The following IGFL2 variants were observed in gnomAD, a reference collection of about 807,000 sequenced individuals.
The protein encoded by IGFL2 is IGF like family member 2.
Under a neutral mutation model 13.9 loss-of-function variants are expected in IGFL2, and 7 were observed. The ratio of observed to expected loss-of-function variants is 0.51; its 90% CI spans 0.29 to 0.95. IGFL2 has a LOEUF of 0.95. Ranked by LOEUF, IGFL2 falls within the 40% of genes least tolerant of loss-of-function variation. The probability of loss-of-function intolerance (pLI) is 0.08; values close to 1 mark genes in which losing one functional copy is unlikely to be tolerated. For synonymous variants in IGFL2, 55 were observed against 55.8 expected (o/e 0.99, Z 0.07); for missense variants, 138 against 147.8 (o/e 0.93, Z 0.34).
chr19:46,160,592 CAAT>C lies in IGFL2; in HGVS notation c.74-21_74-19del. The C allele has an allele frequency of 1.2e-6, 2 of 1,613,850 alleles. No homozygotes were observed. The highest frequency in any genetic ancestry group is 8.5e-7 in the Non-Finnish European group (1 of 1,179,746). Reference sequence around the variant, plus strand: ...CTGGTTATCCTTGAGCTCACACCAACAATGTCTGTCCATCTGTCCAGCTCCCGC... The same window carrying C: ...CTGGTTATCCTTGAGCTCACACCAACGTCTGTCCATCTGTCCAGCTCCCGC... On this transcript the variant is annotated intron_variant, in intron 2 of 3. Transcript: ENST00000377693.
At chr19:46,187,935 A>AGGTTGTGCTGCTGGTGTGTGCTACCT in the IGFL2 span, among the ~76,000 whole-genome samples, 6 of 151,554 alleles carry the variant, frequency 4.0e-5, no homozygotes, top group Non-Finnish European at 8.9e-5. Flanking sequence ...TTTATACCTG[A>AGGTTGTGCTGCTGGTGTGTGCTACCT]GATCGTGTTG....
the IGFL2 span, among the ~76,000 whole-genome samples, chr19:46,167,811 AAAG>A: frequency 6.6e-6 from 1 of 152,134 alleles, no homozygotes; most frequent in African/African-American, 2.4e-5. Flanking sequence ...TGCACACACA[AAAG>A]AAGAGGCCAT....
chr19:46,173,191 A>G, the IGFL2 span, among the ~76,000 whole-genome samples: 2 of 152,236 alleles, frequency 1.3e-5, no homozygotes, highest in African/African-American at 2.4e-5. Flanking sequence ...GGACTGTGCT[A>G]GACTTTCTGT....
chr19:46,160,930 T>G, intron 3 of IGFL2, 49 bp downstream of exon 3: 1 of 1,602,968 alleles, frequency 6.2e-7, no homozygotes, highest in Non-Finnish European at 8.5e-7. Flanking sequence ...GAGGTGGAAA[T>G]GAGGAGGGGA....
the IGFL2 span, among the ~76,000 whole-genome samples, chr19:46,199,089 C>G: frequency 6.6e-6 from 1 of 152,174 alleles, no homozygotes; most frequent in Non-Finnish European, 1.5e-5. Context: ...CAAGGCCTGC[C>G]TCCCCTTCCC....
the IGFL2 span, among the ~76,000 whole-genome samples, chr19:46,191,764 C>T: frequency 3.6e-4 from 55 of 152,168 alleles, no homozygotes; most frequent in African/African-American, 1.2e-3. Context: ...TACTTTGTCT[C>T]ACAGTGACCA....
chr19:46,088,065 A>G, the IGFL2 span, among the ~76,000 whole-genome samples: 3 of 152,046 alleles, frequency 2.0e-5, no homozygotes, highest in African/African-American at 7.2e-5. Flanking sequence ...AGAAATGTGG[A>G]CCACTGGGGG....
At chr19:46,166,812 G>T in the IGFL2 span, among the ~76,000 whole-genome samples, 1 of 152,168 alleles carries the variant, frequency 6.6e-6, no homozygotes, top group African/African-American at 2.4e-5. Flanking sequence ...GCTCTGTTCT[G>T]CCTGGCTCAC....
chr19:46,131,989 A>G, the IGFL2 span, among the ~76,000 whole-genome samples: 14 of 152,166 alleles, frequency 9.2e-5, no homozygotes, highest in African/African-American at 3.4e-4. Context: ...TCTAAACAGA[A>G]CTTGTCTCTA....
chr19:46,180,971 A>G, the IGFL2 span, among the ~76,000 whole-genome samples: 3 of 152,202 alleles, frequency 2.0e-5, no homozygotes, highest in African/African-American at 7.2e-5. Flanking sequence ...TGCTGCTCCC[A>G]GTGCACTGAC....
At chr19:46,080,967 C>T in the IGFL2 span, among the ~76,000 whole-genome samples, 1 of 152,224 alleles carries the variant, frequency 6.6e-6, no homozygotes, top group Non-Finnish European at 1.5e-5. Context: ...CCTGATCTCC[C>T]TGTGCTTTTA....
the IGFL2 span, among the ~76,000 whole-genome samples, chr19:46,097,362 A>G: frequency 1.3e-5 from 2 of 152,076 alleles, no homozygotes; most frequent in South Asian, 2.1e-4. Flanking sequence ...CAGTGGTGCT[A>G]TCCTCTTTAT....
intron 1 of IGFL2, among the ~76,000 whole-genome samples, chr19:46,158,126 A>T (rs573666955): frequency 6.6e-6 from 1 of 152,242 alleles, no homozygotes; most frequent in East Asian, 1.9e-4. Flanking sequence ...CCTGAAAGAA[A>T]TAAATGGAGA....
At chr19:46,179,208 G>T in the IGFL2 span, among the ~76,000 whole-genome samples, 1 of 151,358 alleles carries the variant, frequency 6.6e-6, no homozygotes, top group Non-Finnish European at 1.5e-5. Context: ...GGTGAGCTCT[G>T]AGCAGAGCTG....
At chr19:46,159,485 A>C (rs1419890429) in intron 1 of IGFL2, 2 of 152,090 alleles carry the variant, frequency 1.3e-5, no homozygotes, top group African/African-American at 4.8e-5. Context: ...TAAGGGGAAC[A>C]TTTTTCATTT....
the IGFL2 span, among the ~76,000 whole-genome samples, chr19:46,106,050 C>T: frequency 1.3e-5 from 2 of 152,028 alleles, no homozygotes; most frequent in African/African-American, 4.8e-5. Context: ...ATGGCAAAAC[C>T]AGATATCCAA....
the IGFL2 span, among the ~76,000 whole-genome samples, chr19:46,082,884 T>C: frequency 6.6e-6 from 1 of 152,252 alleles, no homozygotes; most frequent in East Asian, 1.9e-4. Flanking sequence ...AGGTGGTAAT[T>C]TTCCCCTGGG....
At chr19:46,161,345 A>G, downstream of IGFL2, 1 of 402,492 alleles carries the variant, frequency 2.5e-6, no homozygotes, top group Non-Finnish European at 4.4e-6. Context: ...TTGGATTGAA[A>G]TAGGCAAGGA....
chr19:46,178,735 T>C, the IGFL2 span, among the ~76,000 whole-genome samples: 1 of 152,216 alleles, frequency 6.6e-6, no homozygotes, highest in African/African-American at 2.4e-5. Flanking sequence ...AGAAAATCTT[T>C]GAATCCACCC....
Sources: gnomAD v4.1 joint callset for allele counts (sites outside exome capture counted in the v4.1 genomes callset) on GRCh38, gnomAD v4.1.1 for gene constraint, MANE v1.5 for transcripts, NCBI Gene and HGNC (gene_info 2026-07-23, HGNC 2026-07-21) for gene names.